PACRG: variants seen among roughly 807,000 people sequenced by gnomAD.
PACRG encodes the protein parkin coregulated gene protein.
PACRG carries 29 observed loss-of-function variants against 29.7 expected under a neutral mutation model. That is an observed-to-expected ratio of 0.98 (90% CI 0.73 to 1.33). The LOEUF is 1.33. Ranked by LOEUF, PACRG falls within the 40% of genes most tolerant of loss-of-function variation. The pLI, the probability that PACRG is intolerant of heterozygous loss-of-function variation, is 0.00. For missense variants in PACRG, 279 were observed against 316.2 expected (o/e 0.88, Z 0.89); for synonymous variants, 116 against 118.7 (o/e 0.98, Z 0.15).
chr6:162,826,778 A>T (rs1223778647), intron 2 of PACRG, among the ~76,000 whole-genome samples: 1 of 152,138 alleles, frequency 6.6e-6, no homozygotes. Context: ...TTTAATTGTC[A>T]TACTGTAAAA....
intron 2 of PACRG, among the ~76,000 whole-genome samples, chr6:162,916,875 G>A (rs1796731907): frequency 6.6e-6 from 1 of 152,040 alleles, no homozygotes; most frequent in Admixed American, 6.6e-5. Context: ...CAGATCTAGT[G>A]GCCACATTCT....
At chr6:162,734,719 T>C (rs978186123) in intron 1 of PACRG, among the ~76,000 whole-genome samples, 3 of 152,216 alleles carry the variant, frequency 2.0e-5, no homozygotes, top group Non-Finnish European at 4.4e-5. Flanking sequence ...GAGATACTTA[T>C]TAAAGGATAG....
intron 2 of PACRG, among the ~76,000 whole-genome samples, chr6:162,878,276 A>C (rs2128007714): frequency 6.6e-6 from 1 of 152,332 alleles, no homozygotes; most frequent in Admixed American, 6.5e-5. Context: ...TTAAATTATA[A>C]CAACAGTTTT....
At chr6:163,309,750 C>T (rs1403241729) in intron 4 of PACRG, among the ~76,000 whole-genome samples, 2 of 152,116 alleles carry the variant, frequency 1.3e-5, no homozygotes, top group African/African-American at 4.8e-5. Context: ...GTGTTGGGGC[C>T]GGGACTCTCC....
intron 4 of PACRG, among the ~76,000 whole-genome samples, chr6:163,175,362 G>C (rs113597493): frequency 2.8e-3 from 432 of 152,148 alleles, no homozygotes; most frequent in African/African-American, 9.1e-3. Context: ...GTTTGCAGAG[G>C]GAGCATAGAG....
intron 2 of PACRG, among the ~76,000 whole-genome samples, chr6:163,048,894 G>C (rs1002399635): frequency 1.3e-5 from 2 of 152,082 alleles, no homozygotes; most frequent in African/African-American, 4.8e-5. Flanking sequence ...CTGAAGGCTT[G>C]CTTTCTGGCT....
At chr6:162,994,857 C>A (rs561150386) in intron 2 of PACRG, among the ~76,000 whole-genome samples, 1 of 150,138 alleles carries the variant, frequency 6.7e-6, no homozygotes, top group South Asian at 2.1e-4. Flanking sequence ...CTGTTTTTTC[C>A]CCATCTTTGT....
At chr6:162,905,417 A>G (rs1584718557) in intron 2 of PACRG, among the ~76,000 whole-genome samples, 1 of 152,084 alleles carries the variant, frequency 6.6e-6, no homozygotes, top group Non-Finnish European at 1.5e-5. Context: ...AAAGGGAGAA[A>G]CCGTTTCTGT....
chr6:163,259,539 G>A (rs1011972269), intron 4 of PACRG, among the ~76,000 whole-genome samples: 3 of 152,076 alleles, frequency 2.0e-5, no homozygotes, highest in Admixed American at 6.5e-5. Flanking sequence ...GTGTCCATAC[G>A]GAAGACAGCT....
At chr6:163,157,763 A>C (rs906464589) in intron 4 of PACRG, among the ~76,000 whole-genome samples, 1 of 152,220 alleles carries the variant, frequency 6.6e-6, no homozygotes, top group African/African-American at 2.4e-5. Flanking sequence ...GGCTTGGAAG[A>C]TTCTATCATT....
intron 2 of PACRG, among the ~76,000 whole-genome samples, chr6:162,974,681 A>C (rs1801800138): frequency 1.3e-5 from 2 of 152,210 alleles, no homozygotes; most frequent in African/African-American, 4.8e-5. Flanking sequence ...GATGATATTA[A>C]TAATTGCTAA....
At chr6:163,003,803 A>C (rs1804793069) in intron 2 of PACRG, among the ~76,000 whole-genome samples, 1 of 152,128 alleles carries the variant, frequency 6.6e-6, no homozygotes, top group East Asian at 1.9e-4. Context: ...ATTAGCCTTA[A>C]TCCTCTCGAT....
At chr6:163,191,851 G>T (rs1171705224) in intron 4 of PACRG, 1 of 435,374 alleles carries the variant, frequency 2.3e-6, no homozygotes, top group Admixed American at 2.4e-5. Context: ...CCCTCCCAAT[G>T]AAAGCCACAC....
At chr6:163,301,377 C>A (rs114993196) in intron 4 of PACRG, among the ~76,000 whole-genome samples, 1,586 of 152,288 alleles carry the variant, frequency 0.01, 24 homozygotes, top group African/African-American at 0.036. Flanking sequence ...GAAAACGGAA[C>A]GATTAAGTGT....
chr6:163,027,476 A>G (rs555100955), intron 2 of PACRG, among the ~76,000 whole-genome samples: 2 of 152,360 alleles, frequency 1.3e-5, no homozygotes, highest in Non-Finnish European at 2.9e-5. Flanking sequence ...GAATTCATTT[A>G]ATGTCCCTTT....
At chr6:162,745,351 A>G (rs558818391) in intron 1 of PACRG, among the ~76,000 whole-genome samples, 1 of 151,564 alleles carries the variant, frequency 6.6e-6, no homozygotes, top group Non-Finnish European at 1.5e-5. Context: ...ACGTGGACAC[A>G]GGGAGGGGAA....
intron 4 of PACRG, among the ~76,000 whole-genome samples, chr6:163,298,892 G>A (rs1236318461): frequency 6.6e-6 from 1 of 152,178 alleles, no homozygotes; most frequent in Non-Finnish European, 1.5e-5. Context: ...TCCACACTAA[G>A]ATGTCAGCTT....
intron 4 of PACRG, among the ~76,000 whole-genome samples, chr6:163,283,825 A>C (rs1784302316): frequency 6.6e-6 from 1 of 151,538 alleles, no homozygotes; most frequent in African/African-American, 2.4e-5. Context: ...AAAAAAAAAA[A>C]AATTTAGGCC....
At chr6:163,229,665 C>G (rs1401419040) in intron 4 of PACRG, among the ~76,000 whole-genome samples, 1 of 152,176 alleles carries the variant, frequency 6.6e-6, no homozygotes, top group Non-Finnish European at 1.5e-5. Flanking sequence ...CCACACCTGT[C>G]AAATGCTGTT....
Sources: gnomAD v4.1 joint callset for allele counts (sites outside exome capture counted in the v4.1 genomes callset) on GRCh38, gnomAD v4.1.1 for gene constraint, MANE v1.5 for transcripts, NCBI Gene and HGNC (gene_info 2026-07-23, HGNC 2026-07-21) for gene names.